Variants in TRPM3 observed in about 807,000 individuals in gnomAD.
TRPM3 encodes transient receptor potential cation channel subfamily M member 3.
In TRPM3, 77 loss-of-function variants were observed where a neutral mutation model predicts 181.2. The ratio of observed to expected loss-of-function variants is 0.42; its 90% confidence interval spans 0.35 to 0.51. The LOEUF is 0.51. Ranked by LOEUF, TRPM3 falls within the 20% of genes least tolerant of loss-of-function variation. The pLI is 0.01. For synonymous variants in TRPM3, 745 were observed against 796.4 expected (o/e 0.94, Z 1.09); for missense variants, 1,759 against 2,196.7 (o/e 0.80, Z 3.98).
In TRPM3 at chr9:70,536,653, T is replaced by G. The variant is rs778475268; in HGVS notation, c.4460A>C (p.Asp1487Ala). 1 of 1,613,984 alleles carries G rather than the reference T, an allele frequency of 6.2e-7. No individual in the cohort carries two copies. Among genetic ancestry groups the G allele is most frequent in the Non-Finnish European group, 8.5e-7 (1 of 1,179,998 alleles). Reference sequence around the variant, plus strand: ...TTGGCATTCTGGGAGGTGGGTGTAGTCTGAAGAAAAAGATCTAGTGTCCAT... The same window carrying G: ...TTGGCATTCTGGGAGGTGGGTGTAGGCTGAAGAAAAAGATCTAGTGTCCAT... ...TSMDTRSFSS[D>A]YTHLPECQNP... Residue 1487 changes from aspartate to alanine, a missense_variant, in exon 26 of 26, where the codon GAC becomes GCC. Asp to Ala is a moderately radical substitution (Grantham distance 126, BLOSUM62 -2). Transcript: ENST00000677713.
chr9:70,937,730 G>T (rs887285797), intron 1 of TRPM3, among the ~76,000 whole-genome samples: 2 of 152,016 alleles, frequency 1.3e-5, no homozygotes, highest in Admixed American at 1.3e-4. Context: ...TGTTTAACTG[G>T]GTGGACTTGA....
chr9:71,354,424 A>T (rs1034222301), intron 1 of TRPM3, among the ~76,000 whole-genome samples: 92 of 152,198 alleles, frequency 6.0e-4, no homozygotes, highest in African/African-American at 2.2e-3. Context: ...TGGAGACTTT[A>T]AACAAGCTTC....
chr9:71,156,433 C>T (rs1016842893), intron 1 of TRPM3, among the ~76,000 whole-genome samples: 7 of 145,592 alleles, frequency 4.8e-5, no homozygotes, highest in African/African-American at 7.5e-5. Flanking sequence ...GGCTTATCAC[C>T]GTACCTGGTA....
At chr9:71,374,763 A>G (rs1171325271) in intron 1 of TRPM3, among the ~76,000 whole-genome samples, 1 of 152,180 alleles carries the variant, frequency 6.6e-6, no homozygotes, top group Non-Finnish European at 1.5e-5. Flanking sequence ...AGGATGTAAA[A>G]TTAATGTGCA....
intron 21 of TRPM3, among the ~76,000 whole-genome samples, chr9:70,596,812 T>C (rs2059117063): frequency 2.0e-5 from 3 of 152,236 alleles, no homozygotes; most frequent in Middle Eastern, 3.4e-3. Context: ...GTTTTTCTTT[T>C]TCTGTTTTCG....
intron 1 of TRPM3, among the ~76,000 whole-genome samples, chr9:71,365,346 TTTA>T (rs1363807318): frequency 2.0e-5 from 3 of 152,228 alleles, no homozygotes; most frequent in Non-Finnish European, 2.9e-5. Flanking sequence ...TCTCCACTTT[TTTA>T]TTATTTTCCA....
chr9:70,687,932 C>T (rs2067405000), intron 8 of TRPM3, among the ~76,000 whole-genome samples: 1 of 152,170 alleles, frequency 6.6e-6, no homozygotes, highest in Non-Finnish European at 1.5e-5. Flanking sequence ...ATAGAACCTG[C>T]CTTCTAGAAA....
chr9:71,372,961 T>C (rs113126951), intron 1 of TRPM3, among the ~76,000 whole-genome samples: 7 of 152,214 alleles, frequency 4.6e-5, no homozygotes, highest in South Asian at 2.1e-4. Flanking sequence ...AACTCAAGAC[T>C]AAGATATTCA....
intron 1 of TRPM3, among the ~76,000 whole-genome samples, chr9:70,962,588 G>C (rs1292125410): frequency 6.6e-6 from 1 of 152,170 alleles, no homozygotes; most frequent in East Asian, 1.9e-4. Context: ...AAGACTCCCA[G>C]TGGATGCCTG....
intron 1 of TRPM3, among the ~76,000 whole-genome samples, chr9:71,393,768 C>G (rs1197095920): frequency 3.3e-5 from 5 of 152,106 alleles, no homozygotes; most frequent in African/African-American, 1.2e-4. Flanking sequence ...GGGTACTGAA[C>G]AGTTGGCAAT....
intron 1 of TRPM3, among the ~76,000 whole-genome samples, chr9:71,205,070 G>T (rs973880670): frequency 3.3e-5 from 5 of 151,926 alleles, no homozygotes; most frequent in Admixed American, 1.3e-4. Context: ...TTGTGGGGTG[G>T]GGGGAGCAGG....
chr9:70,776,941 T>A (rs1050451409), intron 7 of TRPM3, among the ~76,000 whole-genome samples: 2 of 152,146 alleles, frequency 1.3e-5, no homozygotes, highest in African/African-American at 2.4e-5. Flanking sequence ...TGCATCAAAG[T>A]CAGGATATTT....
chr9:70,679,252 T>C (rs551626677), intron 9 of TRPM3, among the ~76,000 whole-genome samples: 7 of 152,370 alleles, frequency 4.6e-5, no homozygotes, highest in African/African-American at 1.4e-4. Flanking sequence ...TCTACATTAA[T>C]TTCAATTTTC....
intron 1 of TRPM3, among the ~76,000 whole-genome samples, chr9:71,083,723 C>CACAT (rs1199346883): frequency 4.6e-5 from 7 of 150,784 alleles, no homozygotes; most frequent in Non-Finnish European, 8.9e-5. Context: ...TACACACACA[C>CACAT]ACACACACAC....
intron 18 of TRPM3, among the ~76,000 whole-genome samples, chr9:70,615,613 A>G (rs2133104408): frequency 6.6e-6 from 1 of 152,320 alleles, no homozygotes; most frequent in East Asian, 1.9e-4. Flanking sequence ...TGGTTGTTTA[A>G]AAAGCTTTGC....
intron 6 of TRPM3, among the ~76,000 whole-genome samples, chr9:70,803,971 T>C (rs2090008246): frequency 6.6e-6 from 1 of 152,086 alleles, no homozygotes. Flanking sequence ...TCAATTTACC[T>C]TCCCACATTT....
intron 1 of TRPM3, among the ~76,000 whole-genome samples, chr9:71,432,176 A>G (rs2093964613): frequency 6.6e-6 from 1 of 152,204 alleles, no homozygotes; most frequent in Non-Finnish European, 1.5e-5. Context: ...ACATTAATAC[A>G]GGACCATGAT....
At chr9:71,049,197 T>G (rs567895398) in intron 1 of TRPM3, among the ~76,000 whole-genome samples, 10 of 152,142 alleles carry the variant, frequency 6.6e-5, no homozygotes, top group Non-Finnish European at 1.2e-4. Context: ...TTGACTTACC[T>G]TTATTATTAT....
chr9:70,622,922 T>G (rs775158970), intron 14 of TRPM3, among the ~76,000 whole-genome samples: 9 of 152,170 alleles, frequency 5.9e-5, no homozygotes, highest in Non-Finnish European at 1.3e-4. Flanking sequence ...TTTTTCTTAT[T>G]TATAGTTACT....
Sources: gnomAD v4.1 joint callset for allele counts (sites outside exome capture counted in the v4.1 genomes callset) on GRCh38, gnomAD v4.1.1 for gene constraint, MANE v1.5 for transcripts, NCBI Gene and HGNC (gene_info 2026-07-23, HGNC 2026-07-21) for gene names.